TFCP2: variants seen among roughly 807,000 people sequenced by gnomAD.
TFCP2 encodes alpha-globin transcription factor CP2.
In TFCP2, 33 loss-of-function variants were observed where a neutral mutation model predicts 73.4. That is an observed-to-expected ratio of 0.45 (90% CI 0.34 to 0.60). TFCP2 has a LOEUF of 0.60. Ranked by LOEUF, TFCP2 falls within the 20% of genes least tolerant of loss-of-function variation. TFCP2 has a pLI of 0.01. For missense variants in TFCP2, 352 were observed against 604.0 expected (o/e 0.58, Z 4.37); for synonymous variants, 193 against 211.6 (o/e 0.91, Z 0.76).
At chr12:51,128,469 G>A (rs1940862649) in intron 1 of TFCP2, among the ~76,000 whole-genome samples, 2 of 110,014 alleles carry the variant, frequency 1.8e-5, no homozygotes, top group East Asian at 2.6e-4. Context: ...AAAACTTAAA[G>A]TATAATAATA....
At chr12:51,160,239 G>A (rs1325882687) in intron 1 of TFCP2, among the ~76,000 whole-genome samples, 2 of 150,238 alleles carry the variant, frequency 1.3e-5, no homozygotes, top group South Asian at 2.1e-4. Context: ...GGGTTCAAGC[G>A]ATTCTCCTGC....
chr12:51,102,800 C>T (rs970525785), intron 10 of TFCP2, among the ~76,000 whole-genome samples: 32 of 152,222 alleles, frequency 2.1e-4, no homozygotes, highest in African/African-American at 7.2e-4. Flanking sequence ...CTCCCATGAA[C>T]GTCTTACTGT....
chr12:51,170,685 CT>C (rs201753759), intron 1 of TFCP2, among the ~76,000 whole-genome samples: 67 of 145,660 alleles, frequency 4.6e-4, no homozygotes, highest in Admixed American at 3.4e-4. Context: ...TTCTCTCCCC[CT>C]TTTTTTTTTT....
intron 1 of TFCP2, among the ~76,000 whole-genome samples, chr12:51,131,259 C>T (rs557891561): frequency 3.8e-4 from 55 of 145,834 alleles, no homozygotes; most frequent in Middle Eastern, 7.4e-3. Context: ...GGTGTGAACC[C>T]GGGAGGTGGA....
intron 1 of TFCP2, among the ~76,000 whole-genome samples, chr12:51,132,197 T>C (rs1181810559): frequency 6.6e-6 from 1 of 152,066 alleles, no homozygotes; most frequent in Non-Finnish European, 1.5e-5. Context: ...AATGTGCCTT[T>C]GGTAGCTAAT....
At chr12:51,138,923 C>T (rs1310259808) in intron 1 of TFCP2, among the ~76,000 whole-genome samples, 1 of 152,138 alleles carries the variant, frequency 6.6e-6, no homozygotes, top group Non-Finnish European at 1.5e-5. Context: ...CAGGTGTGAG[C>T]CACCATGCCC....
At chr12:51,126,026 C>G (rs1263590143) in intron 1 of TFCP2, among the ~76,000 whole-genome samples, 1 of 151,776 alleles carries the variant, frequency 6.6e-6, no homozygotes, top group Non-Finnish European at 1.5e-5. Context: ...GTCAGGAGAT[C>G]GAGACCATCC....
intron 1 of TFCP2, among the ~76,000 whole-genome samples, chr12:51,130,669 CT>C (rs1175767847): frequency 2.0e-5 from 3 of 152,070 alleles, no homozygotes; most frequent in South Asian, 2.1e-4. Context: ...GCTAAACTAA[CT>C]GGCTTATAAA....
intron 1 of TFCP2, 34 bp from the exon 2 acceptor site, chr12:51,118,806 G>A: frequency 7.5e-6 from 12 of 1,610,142 alleles, no homozygotes; most frequent in Admixed American, 1.7e-5. Flanking sequence ...ATTAATACCT[G>A]GCAATGGTGC....
chr12:51,149,473 T>C (rs1941374704), intron 1 of TFCP2, among the ~76,000 whole-genome samples: 1 of 152,000 alleles, frequency 6.6e-6, no homozygotes, highest in African/African-American at 2.4e-5. Flanking sequence ...TTGTTTTCCA[T>C]AATAAGAGGA....
At chr12:51,158,634 A>C (rs1941586885) in intron 1 of TFCP2, among the ~76,000 whole-genome samples, 1 of 151,792 alleles carries the variant, frequency 6.6e-6, no homozygotes, top group African/African-American at 2.4e-5. Flanking sequence ...GACTACAGGC[A>C]TGAGCCACCA....
intron 1 of TFCP2, among the ~76,000 whole-genome samples, chr12:51,136,971 T>C (rs1427020618): frequency 6.6e-6 from 1 of 151,960 alleles, no homozygotes; most frequent in East Asian, 1.9e-4. Flanking sequence ...AAAAAAACTA[T>C]ACCATATCTG....
chr12:51,129,584 C>G (rs1196113966), intron 1 of TFCP2, among the ~76,000 whole-genome samples: 1 of 150,952 alleles, frequency 6.6e-6, no homozygotes, highest in Non-Finnish European at 1.5e-5. Context: ...AGTCATGTCA[C>G]ATGTAGAGTA....
intron 8 of TFCP2, among the ~76,000 whole-genome samples, chr12:51,105,041 A>C (rs1237175947): frequency 1.3e-5 from 2 of 150,812 alleles, no homozygotes; most frequent in Non-Finnish European, 3.0e-5. Context: ...TAGCCCCAAA[A>C]ATTAGTGCTG....
intron 6 of TFCP2, among the ~76,000 whole-genome samples, chr12:51,108,380 G>GT (rs1346352902): frequency 6.6e-6 from 1 of 152,152 alleles, no homozygotes; most frequent in Non-Finnish European, 1.5e-5. Context: ...GAGGGGGTCA[G>GT]TGTAAGAGTA....
intron 1 of TFCP2, among the ~76,000 whole-genome samples, chr12:51,170,591 C>G (rs375941318): frequency 2.7e-4 from 41 of 152,154 alleles, no homozygotes; most frequent in South Asian, 1.0e-3. Flanking sequence ...CCCCAAAGTG[C>G]TGGGATTACA....
At chr12:51,154,714 G>GTC (rs1042676020) in intron 1 of TFCP2, among the ~76,000 whole-genome samples, 2 of 151,972 alleles carry the variant, frequency 1.3e-5, no homozygotes, top group Non-Finnish European at 2.9e-5. Flanking sequence ...AATAAATGTG[G>GTC]TCTCTCTCTT....
chr12:51,103,823 T>C lies in TFCP2; in HGVS notation c.967-60A>G, dbSNP rs988263217. 8.0e-6 allele frequency: 11 copies of C among 1,375,020 alleles called. No individual in the cohort carries two copies. In the Admixed American group the frequency reaches 2.0e-4, roughly 25 times the overall value. The allele number at this position is 1,375,020 out of a possible 1,614,324, so 85.2% of individuals were successfully genotyped here. A position where few individuals can be genotyped will look rare whatever the true frequency, so the allele number is the denominator to read the frequency against. On this transcript the variant is annotated intron_variant, in intron 9 of 14. Transcript: ENST00000257915. Reference sequence around the variant, plus strand: ...TAGATTTGTCTGTTACCCCATTAGGTAACACATAGCCAAACACCCCACACA... The same window carrying C: ...TAGATTTGTCTGTTACCCCATTAGGCAACACATAGCCAAACACCCCACACA...
chr12:51,161,038 A>G (rs1221485063), intron 1 of TFCP2, among the ~76,000 whole-genome samples: 1 of 152,186 alleles, frequency 6.6e-6, no homozygotes, highest in Non-Finnish European at 1.5e-5. Flanking sequence ...TAGTGGCACT[A>G]GACAAGTGAA....
Sources: gnomAD v4.1 joint callset for allele counts (sites outside exome capture counted in the v4.1 genomes callset) on GRCh38, gnomAD v4.1.1 for gene constraint, MANE v1.5 for transcripts, NCBI Gene and HGNC (gene_info 2026-07-23, HGNC 2026-07-21) for gene names.